The following SRP54 variants were observed in gnomAD, a reference collection of about 807,000 sequenced individuals.
SRP54 encodes the protein signal recognition particle subunit SRP54.
A neutral mutation model predicts 64.8 loss-of-function variants in SRP54; 10 were observed. The observed-to-expected ratio is 0.15, with a 90% CI of 0.10 to 0.26. The LOEUF (loss-of-function observed/expected upper bound fraction) is 0.26, where lower values mean the gene tolerates loss of function less well. SRP54 is among the 10% of genes least tolerant of loss of function. SRP54 has a pLI of 1.00. For synonymous variants in SRP54, 193 were observed against 185.6 expected, an observed-to-expected ratio of 1.04 and a Z score of -0.32; for missense variants, 325 against 613.7, an observed-to-expected ratio of 0.53 and a Z score of 4.97.
intron 1 of SRP54, among the ~76,000 whole-genome samples, chr14:34,995,415 T>G (rs1048766476): frequency 2.0e-5 from 3 of 151,956 alleles, no homozygotes; most frequent in African/African-American, 7.3e-5. Flanking sequence ...AACCAGTGTT[T>G]CAGTTTGAAG....
intron 13 of SRP54, chr14:35,019,299 A>G (rs1190165399): frequency 3.1e-5 from 11 of 358,416 alleles, no homozygotes; most frequent in Non-Finnish European, 5.7e-5. Context: ...AATGAGTTAC[A>G]AGGAAAGAAC....
rs1159930552 is a variant in SRP54 at position 34,995,182 on chromosome 14, T to TA, written c.-33-1495_-33-1494insA. On this transcript the variant is annotated intron_variant, in intron 1 of 15. Coordinates refer to ENST00000216774, the MANE Select transcript of SRP54 (RefSeq NM_003136.4). The stretch of plus-strand genomic sequence containing the variant: ...GTGTGTGTGTGTGTGTGTGTGTGTG[T>TA]GTGTGTAGAGAGAGAGAGGGAGAAA... Among the ~76,000 whole-genome samples, 406 of 109,272 alleles carry TA rather than the reference T, an allele frequency of 3.7e-3. 3 individuals are homozygous for TA. The highest frequency in any genetic ancestry group is 0.011 in the African/African-American group (388 of 33,854). The allele number at this position is 109,272 out of a possible 152,430, so 71.7% of individuals were successfully genotyped here. A position where few individuals can be genotyped will look rare whatever the true frequency, so the allele number is the denominator to read the frequency against.
chr14:35,011,672 C>T lies in SRP54; in HGVS notation c.636+13C>T. The T allele has an allele frequency of 6.7e-7, 1 of 1,503,488 alleles. No individual in the cohort carries two copies. Among genetic ancestry groups the T allele is most frequent in the Non-Finnish European group, 9.0e-7 (1 of 1,116,058 alleles). 93.1% of individuals were successfully genotyped at this position (1,503,488 alleles called of 1,614,324 possible). A position where few individuals can be genotyped will look rare whatever the true frequency, so the allele number is the denominator to read the frequency against. On this transcript the variant is annotated intron_variant, in intron 8 of 15. Transcript: ENST00000216774. ...TGCTAATGCTATAGTAAGTAGCTTT[C>T]AATGTAACACTATTATTAGGACTTT...
intron 11 of SRP54, among the ~76,000 whole-genome samples, chr14:35,015,054 A>G (rs1186024445): frequency 6.6e-6 from 1 of 152,156 alleles, no homozygotes; most frequent in South Asian, 2.1e-4. Context: ...TAAGATTAAA[A>G]TAAGGCTTTC....
At chr14:34,995,513 T>A (rs2044058618) in intron 1 of SRP54, among the ~76,000 whole-genome samples, 1 of 152,180 alleles carries the variant, frequency 6.6e-6, no homozygotes, top group Non-Finnish European at 1.5e-5. Context: ...GTGCCTTGTC[T>A]TACCAGCTAG....
chr14:35,008,659 G>T lies in SRP54; in HGVS notation c.393G>T (p.Lys131Asn), dbSNP rs2044305616. The T allele has an allele frequency of 3.1e-6, 5 of 1,594,808 alleles. No individual in the cohort carries two copies. The highest frequency in any genetic ancestry group is 1.3e-5 in the African/African-American group (1 of 74,630). ...LAYYYQRKGW[K>N]TCLICADTFR... ...ATTATTACCAGAGGAAAGGTTGGAA[G>T]ACCTGTTTAATATGTGCAGACACAT... The change falls in exon 6 of 16, where the codon AAG (lysine) becomes AAT (asparagine). Residue 131 changes from lysine (K) to asparagine (N), a missense_variant. Transcript: ENST00000216774.
intron 11 of SRP54, among the ~76,000 whole-genome samples, chr14:35,016,859 TTC>T (rs546847714): frequency 0.34 from 32,939 of 96,576 alleles, 3,864 homozygotes; most frequent in East Asian, 0.5. Context: ...TTTTTTTTTT[TTC>T]TTCTTTTTTT....
At position 35,018,781 on chromosome 14, in the gene SRP54, A is replaced by C; in HGVS notation, c.1047+16A>C. ...TCAGATCTTGGTTAGTTATCCTTAAAACTTTATACCTTCTTTTGTTTTCAT... is the reference window on the plus strand; with the variant it reads ...TCAGATCTTGGTTAGTTATCCTTAACACTTTATACCTTCTTTTGTTTTCAT... On this transcript the variant is annotated intron_variant, in intron 12 of 15. Coordinates refer to ENST00000216774, the MANE Select transcript of SRP54 (RefSeq NM_003136.4). The C allele has an allele frequency of 6.3e-7, 1 of 1,597,882 alleles. No individual in the cohort carries two copies. Among genetic ancestry groups the C allele is most frequent in the Admixed American group, 1.8e-5 (1 of 56,836 alleles).
chr14:35,019,120 C>A, intron 13 of SRP54, 46 bp downstream of exon 13: 1 of 1,315,300 alleles, frequency 7.6e-7, no homozygotes, highest in Non-Finnish European at 1.1e-6. Context: ...TTCTGAGTAT[C>A]AGTAAGATGA....
At chr14:35,024,235 G>T (rs947461863) in intron 14 of SRP54, among the ~76,000 whole-genome samples, 2 of 152,064 alleles carry the variant, frequency 1.3e-5, no homozygotes, top group African/African-American at 2.4e-5. Context: ...CACTATGTTG[G>T]CCAGGCTGGT....
In SRP54 at chr14:34,991,318, T is replaced by TG. The variant is rs1297339905; in HGVS notation, c.-33-5355dup. Among the ~76,000 whole-genome samples, 15 of 151,484 alleles carry TG rather than the reference T, an allele frequency of 9.9e-5. No individual in the cohort carries two copies. The East Asian group carries it at 2.5e-3, about 26-fold the overall frequency. On this transcript the variant is annotated intron_variant, in intron 1 of 15. Coordinates refer to ENST00000216774, the MANE Select transcript of SRP54 (RefSeq NM_003136.4). Reference sequence around the variant, plus strand: ...CTAATTTTTGTATTTTCAGTAGAGATGGGGTTTCACCATGTTGGCCAGGCT... The same window carrying TG: ...CTAATTTTTGTATTTTCAGTAGAGATGGGGGTTTCACCATGTTGGCCAGGCT...
chr14:34,999,483 T>C (rs1594987304), intron 2 of SRP54, 75 bp from the exon 3 acceptor site: 1 of 1,069,094 alleles, frequency 9.4e-7, no homozygotes, highest in East Asian at 2.4e-5. Flanking sequence ...GTTATGTAAG[T>C]GATCAACAAT....
At chr14:35,005,614 T>C (rs2044244124) in intron 4 of SRP54, among the ~76,000 whole-genome samples, 1 of 152,044 alleles carries the variant, frequency 6.6e-6, no homozygotes, top group Non-Finnish European at 1.5e-5. Context: ...CAAGCTGGTC[T>C]CAAACTCCTG....
chr14:35,011,469 GT>G, intron 7 of SRP54, 39 bp from the exon 8 acceptor site: 1 of 1,365,538 alleles, frequency 7.3e-7, no homozygotes, highest in South Asian at 2.2e-5. Context: ...GTATTTGGAA[GT>G]TTTGTCGTTT....
At chr14:34,998,965 TTGTGTGTATGTGTGTG>T (rs1281005787) in intron 2 of SRP54, among the ~76,000 whole-genome samples, 24 of 121,870 alleles carry the variant, frequency 2.0e-4, no homozygotes, top group South Asian at 5.6e-4. Context: ...TATTATTACT[TTGTGTGTATGTGTGTG>T]TGTGTGTGTG....
intron 1 of SRP54, among the ~76,000 whole-genome samples, chr14:34,992,567 C>A (rs2043997685): frequency 6.6e-6 from 1 of 152,126 alleles, no homozygotes; most frequent in South Asian, 2.1e-4. Context: ...CATGTTCTCA[C>A]TTATAAGTGA....
chr14:35,000,064 TTC>T (rs149025054), intron 3 of SRP54, among the ~76,000 whole-genome samples: 3,306 of 152,316 alleles, frequency 0.022, 41 homozygotes, highest in East Asian at 0.035. Flanking sequence ...TCCTTTTGGT[TTC>T]TCTGTTTCAT....
chr14:35,014,835 AT>A lies in SRP54; in HGVS notation c.973+6del, dbSNP rs1220482377. 7 of 1,597,786 alleles carry A rather than the reference AT, an allele frequency of 4.4e-6. No individual in the cohort carries two copies. The African/African-American group carries it at 9.4e-5, about 22-fold the overall frequency. The stretch of plus-strand genomic sequence containing the variant: ...TTATAGAGAAGTTGAAACATGGTAT[AT>A]GAGTGACAAAAAAGCACTTCATCTC... On this transcript the variant is annotated splice_donor_region_variant and intron_variant, in intron 11 of 15. Transcript: ENST00000216774.
intron 1 of SRP54, among the ~76,000 whole-genome samples, chr14:34,985,919 T>G (rs1270670713): frequency 1.3e-5 from 2 of 152,316 alleles, no homozygotes; most frequent in Middle Eastern, 3.4e-3. Flanking sequence ...ATGCCTCTTA[T>G]CCCTCCTTTT....
Sources: gnomAD v4.1 joint callset for allele counts (sites outside exome capture counted in the v4.1 genomes callset) on GRCh38, gnomAD v4.1.1 for gene constraint, MANE v1.5 for transcripts, NCBI Gene and HGNC (gene_info 2026-07-23, HGNC 2026-07-21) for gene names.